MSI2: variants seen among roughly 807,000 people sequenced by gnomAD.
MSI2 encodes the protein RNA-binding protein Musashi homolog 2.
In MSI2, 17 loss-of-function variants were observed where a neutral mutation model predicts 45.6. The observed-to-expected ratio is 0.37, with a 90% CI of 0.26 to 0.56. MSI2 has a LOEUF of 0.56. Ranked by LOEUF, MSI2 falls within the 20% of genes least tolerant of loss-of-function variation. MSI2 has a pLI of 0.77. For synonymous variants in MSI2, 156 were observed against 158.2 expected (o/e 0.99, Z 0.11); for missense variants, 293 against 444.2 (o/e 0.66, Z 3.06).
At chr17:57,433,720 T>TTTG (rs1445172058) in intron 6 of MSI2, among the ~76,000 whole-genome samples, 1 of 152,186 alleles carries the variant, frequency 6.6e-6, no homozygotes, top group Non-Finnish European at 1.5e-5. Flanking sequence ...GGACCCTCGC[T>TTTG]TTGTTAATGG....
intron 6 of MSI2, among the ~76,000 whole-genome samples, chr17:57,528,503 G>A (rs2086751664): frequency 6.6e-6 from 1 of 152,188 alleles, no homozygotes; most frequent in Admixed American, 6.5e-5. Context: ...TTTTAAAAAG[G>A]TCCTAGCATC....
At chr17:57,641,962 A>G (rs1038548977) in intron 10 of MSI2, among the ~76,000 whole-genome samples, 20 of 152,234 alleles carry the variant, frequency 1.3e-4, no homozygotes, top group Admixed American at 4.6e-4. Context: ...GTGTCCTTGT[A>G]GGGCTGGGGG....
chr17:57,432,257 G>A (rs2084610705), intron 6 of MSI2, among the ~76,000 whole-genome samples: 1 of 152,202 alleles, frequency 6.6e-6, no homozygotes, highest in African/African-American at 2.4e-5. Context: ...AGGCCCCGAG[G>A]AGCCAGGAGA....
chr17:57,349,560 G>A (rs1299311196), intron 5 of MSI2, among the ~76,000 whole-genome samples: 1 of 152,182 alleles, frequency 6.6e-6, no homozygotes, highest in Non-Finnish European at 1.5e-5. Context: ...GAAGAAGAAA[G>A]ATGAGGAAAA....
At chr17:57,410,964 C>T (rs746066746) in intron 6 of MSI2, among the ~76,000 whole-genome samples, 1 of 152,098 alleles carries the variant, frequency 6.6e-6, no homozygotes, top group Admixed American at 6.6e-5. Context: ...TGCAGATTCT[C>T]TGATAGGGAA....
At chr17:57,502,636 T>TATATATATATAGAGAGAGAGAGAGAG in intron 6 of MSI2, among the ~76,000 whole-genome samples, 4 of 96,902 alleles carry the variant, frequency 4.1e-5, no homozygotes, top group Admixed American at 2.7e-4. Flanking sequence ...TATATATATA[T>TATATATATATAGAGAGAGAGAGAGAG]AGTCATCATT....
At chr17:57,632,274 G>C in intron 10 of MSI2, 1 of 1,079,976 alleles carries the variant, frequency 9.3e-7, no homozygotes, top group Non-Finnish European at 1.1e-6. Flanking sequence ...TGGAGCACCC[G>C]TGTCTTACGA....
chr17:57,371,060 G>A (rs1364920867), intron 5 of MSI2, among the ~76,000 whole-genome samples: 1 of 152,152 alleles, frequency 6.6e-6, no homozygotes, highest in African/African-American at 2.4e-5. Context: ...TTCCCTGAGT[G>A]TTGCTGTTTT....
chr17:57,501,648 A>G (rs1021992966), intron 6 of MSI2, among the ~76,000 whole-genome samples: 5 of 152,196 alleles, frequency 3.3e-5, no homozygotes, highest in Non-Finnish European at 5.9e-5. Context: ...GAAGTGACCA[A>G]ATGAACAGTA....
chr17:57,607,831 G>A (rs769712938), intron 8 of MSI2, among the ~76,000 whole-genome samples: 2 of 152,052 alleles, frequency 1.3e-5, no homozygotes, highest in African/African-American at 2.4e-5. Flanking sequence ...CACGTCGCTT[G>A]GTGAAAGCAG....
intron 7 of MSI2, among the ~76,000 whole-genome samples, chr17:57,535,301 T>C (rs949990400): frequency 6.6e-6 from 1 of 152,188 alleles, no homozygotes; most frequent in African/African-American, 2.4e-5. Flanking sequence ...AGCCCTGGGT[T>C]CCTGAGCCCT....
At chr17:57,400,019 T>A (rs2083960647) in intron 5 of MSI2, among the ~76,000 whole-genome samples, 1 of 152,224 alleles carries the variant, frequency 6.6e-6, no homozygotes, top group Non-Finnish European at 1.5e-5. Flanking sequence ...TGCTTCAGCA[T>A]CCTACATCAC....
chr17:57,506,950 C>T (rs8069473), intron 6 of MSI2, among the ~76,000 whole-genome samples: 3,870 of 152,170 alleles, frequency 0.025, 158 homozygotes, highest in African/African-American at 0.088. Context: ...AGTGCAGGCC[C>T]AGCCCAGACT....
At chr17:57,577,063 C>T (rs1220984352) in intron 7 of MSI2, among the ~76,000 whole-genome samples, 3 of 152,028 alleles carry the variant, frequency 2.0e-5, no homozygotes, top group African/African-American at 4.8e-5. Context: ...GGGACCAGGA[C>T]AGTATTACGG....
chr17:57,270,094 C>T (rs1908218313), intron 5 of MSI2, among the ~76,000 whole-genome samples: 1 of 152,092 alleles, frequency 6.6e-6, no homozygotes, highest in Non-Finnish European at 1.5e-5. Context: ...AGGGTGGATG[C>T]CTGGCTGCTA....
chr17:57,628,730 C>A (rs80072159), intron 10 of MSI2: 12 of 152,804 alleles, frequency 7.9e-5, no homozygotes, highest in African/African-American at 2.6e-4. Context: ...CCAGTGTCCC[C>A]TGGGGCTGGG....
chr17:57,490,966 G>A (rs2085859162), intron 6 of MSI2, among the ~76,000 whole-genome samples: 1 of 152,140 alleles, frequency 6.6e-6, no homozygotes. Context: ...AGACTCCTTG[G>A]AGCCAAGGGG....
chr17:57,337,541 G>T (rs1436373666), intron 5 of MSI2, among the ~76,000 whole-genome samples: 1 of 152,144 alleles, frequency 6.6e-6, no homozygotes, highest in Non-Finnish European at 1.5e-5. Context: ...TCGCTGGCTA[G>T]CCTGGGTCTC....
At chr17:57,579,132 A>C (rs1043227928) in intron 7 of MSI2, among the ~76,000 whole-genome samples, 7 of 152,244 alleles carry the variant, frequency 4.6e-5, no homozygotes, top group African/African-American at 1.7e-4. Context: ...AGTGCAATAA[A>C]GTGAATTTGG....
Sources: gnomAD v4.1 joint callset for allele counts (sites outside exome capture counted in the v4.1 genomes callset) on GRCh38, gnomAD v4.1.1 for gene constraint, MANE v1.5 for transcripts, NCBI Gene and HGNC (gene_info 2026-07-23, HGNC 2026-07-21) for gene names.